CNTN6: variants seen among roughly 807,000 people sequenced by gnomAD.
CNTN6 encodes the protein contactin 6.
A neutral mutation model predicts 122.8 loss-of-function variants in CNTN6; 137 were observed. That is an observed-to-expected ratio of 1.12 (90% confidence interval 0.97 to 1.29). The LOEUF (loss-of-function observed/expected upper bound fraction) is 1.29. CNTN6 is among the 50% of genes most tolerant of loss of function. The pLI is 0.00. For synonymous variants in CNTN6, 570 were observed against 426.0 expected (o/e 1.34, Z -4.16); for missense variants, 1,634 against 1,223.4 (o/e 1.34, Z -5.01).
chr3:1,310,466 T>G (rs1329369965), intron 7 of CNTN6, among the ~76,000 whole-genome samples: 1 of 152,190 alleles, frequency 6.6e-6, no homozygotes, highest in Non-Finnish European at 1.5e-5. Context: ...AGACAAGTCC[T>G]ATTTTGTTGT....
chr3:1,346,264 G>A (rs77073265), intron 11 of CNTN6, among the ~76,000 whole-genome samples: 1,881 of 152,226 alleles, frequency 0.012, 43 homozygotes, highest in African/African-American at 0.043. Flanking sequence ...TTCATACAAT[G>A]CAGGTGCTAT....
intron 2 of CNTN6, among the ~76,000 whole-genome samples, chr3:1,187,647 C>G (rs2093648226): frequency 2.0e-5 from 3 of 152,094 alleles, no homozygotes; most frequent in Admixed American, 6.5e-5. Flanking sequence ...TTGCCCCTAC[C>G]CAAAATTTGC....
chr3:1,338,521 C>G (rs1703423337), intron 11 of CNTN6, among the ~76,000 whole-genome samples: 1 of 152,092 alleles, frequency 6.6e-6, no homozygotes, highest in African/African-American at 2.4e-5. Context: ...TATCTCTGTT[C>G]CACCCCAGAA....
At chr3:1,336,984 C>T (rs926784094) in intron 11 of CNTN6, among the ~76,000 whole-genome samples, 1 of 152,046 alleles carries the variant, frequency 6.6e-6, no homozygotes, top group Non-Finnish European at 1.5e-5. Context: ...CAGGGAATTC[C>T]CTGTGACAAG....
rs75600553 is a variant in CNTN6 at position 1,330,022 on chromosome 3, T to G, written c.1364+87T>G. 1.8e-3 allele frequency: 1,816 copies of G among 1,015,222 alleles called. 28 individuals are homozygous for G. In the African/African-American group the frequency reaches 0.027, roughly 15 times the overall value. 62.9% of individuals were successfully genotyped at this position (1,015,222 alleles called of 1,614,324 possible). ...AGGTTTTAGTAGGCCTTTCAAAATT[T>G]CCTCTTTTATGATAAAGTCTCATTG... On this transcript the variant is annotated intron_variant, in intron 11 of 22. Transcript: ENST00000446702.
intron 20 of CNTN6, among the ~76,000 whole-genome samples, chr3:1,398,269 T>C (rs1482771806): frequency 6.6e-6 from 1 of 152,168 alleles, no homozygotes; most frequent in East Asian, 1.9e-4. Flanking sequence ...ATTAAGGTGA[T>C]GGCCTTCTAA....
intron 7 of CNTN6, among the ~76,000 whole-genome samples, chr3:1,308,774 C>T (rs11128627): frequency 0.28 from 43,224 of 151,756 alleles, 7,748 homozygotes; most frequent in East Asian, 0.62. Flanking sequence ...TCTTAATCTA[C>T]ACCAGCATTT....
chr3:1,229,281 A>T, intron 4 of CNTN6, among the ~76,000 whole-genome samples: 1 of 152,190 alleles, frequency 6.6e-6, no homozygotes, highest in East Asian at 1.9e-4. Flanking sequence ...ATAAAAACTT[A>T]TGTTATAGAA....
chr3:1,402,127 C>CA lies in CNTN6; in HGVS notation c.2818-180dup, dbSNP rs59599960. Reference sequence around the variant, plus strand: ...CTACTCTCCTTCCAGAGGCATTGGCCAAAAAAAAAAACACCTCTTTTTCTT... The same window carrying CA: ...CTACTCTCCTTCCAGAGGCATTGGCCAAAAAAAAAAAACACCTCTTTTTCTT... On this transcript the variant is annotated intron_variant, in intron 21 of 22. Coordinates refer to ENST00000446702, the MANE Select transcript of CNTN6 (RefSeq NM_001289080.2). Among the ~76,000 whole-genome samples the CA allele has an allele frequency of 9.0e-3, 1,265 of 141,148 alleles. 19 individuals carry two copies. Among genetic ancestry groups the CA allele is most frequent in the East Asian group, 0.04 (189 of 4,710 alleles). 92.6% of individuals were successfully genotyped at this position (141,148 alleles called of 152,430 possible).
At chr3:1,381,391 A>G (rs1691859968) in intron 17 of CNTN6, among the ~76,000 whole-genome samples, 1 of 152,166 alleles carries the variant, frequency 6.6e-6, no homozygotes, top group Non-Finnish European at 1.5e-5. Flanking sequence ...TATTTGTTAG[A>G]CTGTTCCACA....
chr3:1,355,229 C>G (rs1194439086), intron 12 of CNTN6, among the ~76,000 whole-genome samples: 1 of 151,548 alleles, frequency 6.6e-6, no homozygotes, highest in African/African-American at 2.4e-5. Context: ...ACATACTTAA[C>G]CACACAAATA....
At chr3:1,242,127 G>A (rs1344845228) in intron 4 of CNTN6, among the ~76,000 whole-genome samples, 2 of 152,186 alleles carry the variant, frequency 1.3e-5, no homozygotes, top group Non-Finnish European at 2.9e-5. Context: ...AACAGATGAG[G>A]AAGAAATTTG....
chr3:1,140,164 A>G (rs1373786504), intron 1 of CNTN6, among the ~76,000 whole-genome samples: 2 of 152,222 alleles, frequency 1.3e-5, no homozygotes, highest in African/African-American at 4.8e-5. Context: ...AGGAACGGAA[A>G]GTCAACACTA....
chr3:1,157,731 C>G (rs537413220), intron 2 of CNTN6, among the ~76,000 whole-genome samples: 4 of 152,192 alleles, frequency 2.6e-5, no homozygotes, highest in African/African-American at 9.6e-5. Flanking sequence ...TTTTACATCC[C>G]ATAAGTAAGT....
intron 17 of CNTN6, 63 bp downstream of exon 17, chr3:1,377,138 G>A: frequency 3.5e-6 from 4 of 1,150,038 alleles, no homozygotes; most frequent in Admixed American, 4.3e-5. Flanking sequence ...GAAAGAAACT[G>A]AAAAACAAAA....
chr3:1,102,280 G>A (rs538266912), intron 1 of CNTN6, among the ~76,000 whole-genome samples: 1 of 152,252 alleles, frequency 6.6e-6, no homozygotes, highest in South Asian at 2.1e-4. Flanking sequence ...TAGCAGGAGT[G>A]CAATATACTT....
chr3:1,115,267 T>G (rs973933979), intron 1 of CNTN6, among the ~76,000 whole-genome samples: 1 of 152,116 alleles, frequency 6.6e-6, no homozygotes, highest in Non-Finnish European at 1.5e-5. Flanking sequence ...CAAGCCACAA[T>G]GATGAGCACA....
At chr3:1,094,695 C>T (rs1157171046) in intron 1 of CNTN6, among the ~76,000 whole-genome samples, 1 of 151,018 alleles carries the variant, frequency 6.6e-6, no homozygotes, top group Non-Finnish European at 1.5e-5. Flanking sequence ...TTTAGAACCC[C>T]CTCTAAAAAA....
At chr3:1,333,254 T>C (rs1358879460) in intron 11 of CNTN6, among the ~76,000 whole-genome samples, 1 of 152,066 alleles carries the variant, frequency 6.6e-6, no homozygotes, top group African/African-American at 2.4e-5. Context: ...CATGTGTACA[T>C]ACACTGTTCA....
Sources: gnomAD v4.1 joint callset for allele counts (sites outside exome capture counted in the v4.1 genomes callset) on GRCh38, gnomAD v4.1.1 for gene constraint, MANE v1.5 for transcripts, NCBI Gene and HGNC (gene_info 2026-07-23, HGNC 2026-07-21) for gene names.